TBC1D5: variants seen among roughly 807,000 people sequenced by gnomAD.
TBC1D5 encodes TBC1 domain family member 5.
TBC1D5 carries 75 observed loss-of-function variants against 100.3 expected under a neutral mutation model. That is an observed-to-expected ratio of 0.75 (90% CI 0.62 to 0.91). TBC1D5 has a LOEUF of 0.91. Among genes scored for constraint, TBC1D5 ranks in the 40% least tolerant of loss-of-function variants. The probability of loss-of-function intolerance (pLI) is 0.00; values close to 1 mark genes in which losing one functional copy is unlikely to be tolerated. For missense variants in TBC1D5, 910 were observed against 942.4 expected (o/e 0.97, Z 0.45); for synonymous variants, 323 against 325.6 (o/e 0.99, Z 0.09).
At chr3:17,280,636 C>G (rs2080479307) in intron 15 of TBC1D5, among the ~76,000 whole-genome samples, 1 of 152,168 alleles carries the variant, frequency 6.6e-6, no homozygotes, top group African/African-American at 2.4e-5. Flanking sequence ...GGAAGATCAT[C>G]TTCCTGCTCC....
chr3:17,184,514 T>A (rs529050292), intron 19 of TBC1D5: 53 of 152,266 alleles, frequency 3.5e-4, no homozygotes, highest in African/African-American at 1.3e-3. Flanking sequence ...AGATTGCTTT[T>A]AAAGAATTTT....
chr3:17,478,548 G>A (rs1461863920), intron 3 of TBC1D5, among the ~76,000 whole-genome samples: 1 of 152,102 alleles, frequency 6.6e-6, no homozygotes, highest in African/African-American at 2.4e-5. Context: ...TAAATATTTA[G>A]TTCTTTTAAT....
At chr3:17,511,205 C>T (rs2095901979) in intron 2 of TBC1D5, among the ~76,000 whole-genome samples, 1 of 151,956 alleles carries the variant, frequency 6.6e-6, no homozygotes, top group Admixed American at 6.6e-5. Flanking sequence ...ACAGATTAAA[C>T]ACTTTTCAAA....
In TBC1D5 at chr3:17,245,922, G is replaced by C. The variant is rs1199212477; in HGVS notation, c.1332-7503C>G. ...CACGAGCAGCATCTCTAGAGCATTA[G>C]GGATTTTCTGGCCTAGACTAACACA... On this transcript the variant is annotated intron_variant, in intron 16 of 21. Coordinates refer to ENST00000253692, the Ensembl canonical transcript of TBC1D5. Among the ~76,000 whole-genome samples the C allele has an allele frequency of 2.0e-5, 3 of 152,140 alleles. No individual in the cohort carries two copies. In the East Asian group the frequency reaches 5.8e-4, roughly 29 times the overall value.
chr3:17,567,991 A>G (rs1017396317), intron 2 of TBC1D5, among the ~76,000 whole-genome samples: 82 of 151,710 alleles, frequency 5.4e-4, no homozygotes, highest in African/African-American at 1.8e-3. Context: ...CAAAACAACA[A>G]GAGTATACTA....
intron 3 of TBC1D5, among the ~76,000 whole-genome samples, chr3:17,464,609 T>C (rs1159989780): frequency 3.3e-5 from 5 of 152,272 alleles, no homozygotes; most frequent in African/African-American, 1.2e-4. Context: ...TTATTTAACT[T>C]ACTTTACTAC....
chr3:17,403,390 T>C (rs1559810453), intron 7 of TBC1D5, 142 bp from the exon 8 acceptor site: 3 of 444,000 alleles, frequency 6.8e-6, no homozygotes, highest in Non-Finnish European at 1.2e-5. Flanking sequence ...GAGACTGGGG[T>C]AATTTTTATT....
intron 1 of TBC1D5, among the ~76,000 whole-genome samples, chr3:17,722,926 G>C (rs2075823648): frequency 6.6e-6 from 1 of 152,158 alleles, no homozygotes; most frequent in Admixed American, 6.5e-5. Flanking sequence ...TGAGAGTAAA[G>C]TAATTTCCAG....
At chr3:17,655,415 C>T (rs1001509940) in intron 1 of TBC1D5, among the ~76,000 whole-genome samples, 1 of 150,928 alleles carries the variant, frequency 6.6e-6, no homozygotes, top group African/African-American at 2.4e-5. Flanking sequence ...ATGTAACTAA[C>T]CTGCACATTG....
At chr3:17,471,951 A>T (rs1256386676) in intron 3 of TBC1D5, among the ~76,000 whole-genome samples, 1 of 152,144 alleles carries the variant, frequency 6.6e-6, no homozygotes, top group Non-Finnish European at 1.5e-5. Context: ...ACATGACGAA[A>T]TCTACCCTTT....
At chr3:17,207,627 T>C (rs1254996305) in intron 18 of TBC1D5, among the ~76,000 whole-genome samples, 2 of 152,234 alleles carry the variant, frequency 1.3e-5, no homozygotes, top group East Asian at 3.8e-4. Context: ...GATACTTCCT[T>C]TTTATCTAAA....
chr3:17,494,474 G>A (rs994727230), intron 3 of TBC1D5, among the ~76,000 whole-genome samples: 1 of 152,152 alleles, frequency 6.6e-6, no homozygotes, highest in Non-Finnish European at 1.5e-5. Context: ...AATCCTCCTC[G>A]TCTGGACTGC....
chr3:17,308,257 A>G, intron 13 of TBC1D5, 123 bp from the exon 14 acceptor site: 4 of 898,600 alleles, frequency 4.5e-6, no homozygotes, highest in Non-Finnish European at 6.1e-6. Flanking sequence ...TATATCAAAA[A>G]TATAATATAG....
chr3:17,628,429 T>C (rs886359709), intron 1 of TBC1D5, among the ~76,000 whole-genome samples: 7 of 148,948 alleles, frequency 4.7e-5, no homozygotes, highest in Admixed American at 1.3e-4. Flanking sequence ...CAGAAGAACA[T>C]AGAATTCACA....
intron 1 of TBC1D5, among the ~76,000 whole-genome samples, chr3:17,717,353 A>T (rs2075327077): frequency 6.6e-6 from 1 of 152,186 alleles, no homozygotes; most frequent in African/African-American, 2.4e-5. Flanking sequence ...ACACATTAAC[A>T]TAAATAATAT....
At chr3:17,346,944 T>C (rs1258490174) in intron 13 of TBC1D5, among the ~76,000 whole-genome samples, 2 of 152,212 alleles carry the variant, frequency 1.3e-5, no homozygotes, top group Admixed American at 1.3e-4. Context: ...TTGTATAATA[T>C]ACTTGAATAT....
chr3:17,266,741 C>G (rs1055228857), intron 15 of TBC1D5, among the ~76,000 whole-genome samples: 1 of 151,974 alleles, frequency 6.6e-6, no homozygotes, highest in Non-Finnish European at 1.5e-5. Flanking sequence ...ATTATTTCAG[C>G]ATCAGGATCA....
intron 1 of TBC1D5, among the ~76,000 whole-genome samples, chr3:17,709,991 T>G (rs1310053032): frequency 6.6e-6 from 1 of 152,162 alleles, no homozygotes; most frequent in Non-Finnish European, 1.5e-5. Flanking sequence ...CATGGGCCCT[T>G]GATTAAAACC....
chr3:17,183,481 C>T (rs549969493), intron 19 of TBC1D5, among the ~76,000 whole-genome samples: 24 of 152,272 alleles, frequency 1.6e-4, no homozygotes, highest in African/African-American at 5.3e-4. Context: ...CATCAAGCAG[C>T]TTATTAAGAG....
Sources: gnomAD v4.1 joint callset for allele counts (sites outside exome capture counted in the v4.1 genomes callset) on GRCh38, gnomAD v4.1.1 for gene constraint, MANE v1.5 for transcripts, NCBI Gene and HGNC (gene_info 2026-07-23, HGNC 2026-07-21) for gene names.